Variants in ACYP2 observed in about 807,000 individuals in gnomAD.
The protein encoded by ACYP2 is acylphosphatase-2.
A neutral mutation model predicts 11.2 loss-of-function variants in ACYP2; 12 were observed. The observed-to-expected ratio is 1.08, with a 90% CI of 0.69 to 1.74. The LOEUF is 1.74. Among genes scored for constraint, ACYP2 ranks in the 40% most tolerant of loss-of-function variants. ACYP2 has a pLI of 0.00. For synonymous variants in ACYP2, 43 were observed against 32.2 expected (o/e 1.33, Z -1.13); for missense variants, 134 against 101.9 (o/e 1.31, Z -1.35).
At chr2:54,033,198 AT>A (rs11284749) in intron 2 of ACYP2, among the ~76,000 whole-genome samples, 66,796 of 141,358 alleles carry the variant, frequency 0.47, 15,402 homozygotes, top group African/African-American at 0.53. Context: ...CCTGTGGGCA[AT>A]TTTTTTTTTT....
At chr2:54,013,265 G>A (rs866074308) in intron 2 of ACYP2, among the ~76,000 whole-genome samples, 7,390 of 90,576 alleles carry the variant, frequency 0.082, 442 homozygotes, top group African/African-American at 0.14. Context: ...ATGTGTGTGT[G>A]TGTGTGTGTG....
intron 6 of ACYP2, among the ~76,000 whole-genome samples, chr2:54,160,225 G>A (rs1336627501): frequency 6.6e-6 from 1 of 152,180 alleles, no homozygotes; most frequent in Non-Finnish European, 1.5e-5. Flanking sequence ...TTCCCTCATG[G>A]TTATAAGATG....
intron 2 of ACYP2, among the ~76,000 whole-genome samples, chr2:54,028,084 C>T (rs114587257): frequency 0.026 from 3,885 of 152,102 alleles, 78 homozygotes; most frequent in Middle Eastern, 0.044. Context: ...CTCAGGTGAT[C>T]TGCGTACCTT....
chr2:54,268,589 C>T (rs1459040112), intron 6 of ACYP2, among the ~76,000 whole-genome samples: 1 of 151,168 alleles, frequency 6.6e-6, no homozygotes, highest in African/African-American at 2.4e-5. Context: ...ATCACTTGAG[C>T]CCAGGAGTTC....
At chr2:54,280,820 C>G (rs775758577) in intron 6 of ACYP2, among the ~76,000 whole-genome samples, 1 of 152,062 alleles carries the variant, frequency 6.6e-6, no homozygotes, top group Non-Finnish European at 1.5e-5. Flanking sequence ...TCTTAAGAAA[C>G]TTAATCGATA....
At chr2:54,029,546 A>G (rs1674474003) in intron 2 of ACYP2, 1 of 402,330 alleles carries the variant, frequency 2.5e-6, no homozygotes, top group African/African-American at 2.1e-5. Context: ...GTTCTCTCAC[A>G]TTGTCTTCTC....
intron 5 of ACYP2, among the ~76,000 whole-genome samples, chr2:54,137,151 G>T: frequency 6.6e-6 from 1 of 152,028 alleles, no homozygotes; most frequent in Non-Finnish European, 1.5e-5. Flanking sequence ...TCTACCCATA[G>T]ACAATTATAA....
At chr2:54,133,182 C>A (rs1572830686) in intron 4 of ACYP2, among the ~76,000 whole-genome samples, 1 of 152,240 alleles carries the variant, frequency 6.6e-6, no homozygotes, top group East Asian at 1.9e-4. Context: ...AACTGACAAT[C>A]AGTTTTCTGT....
At chr2:54,159,316 G>A (rs888889774) in intron 6 of ACYP2, among the ~76,000 whole-genome samples, 2 of 151,596 alleles carry the variant, frequency 1.3e-5, no homozygotes, top group Admixed American at 6.6e-5. Context: ...TGCAGAACTG[G>A]GCTTCAAAAA....
chr2:54,027,837 CTTTTTTT>C (rs34122179), intron 2 of ACYP2, among the ~76,000 whole-genome samples: 1 of 97,892 alleles, frequency 1.0e-5, no homozygotes, highest in Non-Finnish European at 1.9e-5. Flanking sequence ...TTCTTTCTTT[CTTTTTTT>C]TTTTTTTTTT....
intron 6 of ACYP2, among the ~76,000 whole-genome samples, chr2:54,237,152 A>G (rs1025301202): frequency 6.6e-6 from 1 of 152,226 alleles, no homozygotes; most frequent in African/African-American, 2.4e-5. Context: ...ATTCTGTCTT[A>G]TGTCAGGGAC....
intron 6 of ACYP2, among the ~76,000 whole-genome samples, chr2:54,248,457 A>G (rs529642098): frequency 1.3e-5 from 2 of 152,282 alleles, no homozygotes; most frequent in East Asian, 3.9e-4. Context: ...TGCCCTAGGG[A>G]TACATAGATG....
intron 4 of ACYP2, among the ~76,000 whole-genome samples, chr2:54,106,107 AT>A (rs1487661922): frequency 6.6e-6 from 1 of 152,234 alleles, no homozygotes; most frequent in East Asian, 1.9e-4. Flanking sequence ...ATGTAAGTTA[AT>A]GTACTATTCA....
intron 2 of ACYP2, among the ~76,000 whole-genome samples, chr2:54,005,028 C>T (rs998628264): frequency 2.0e-5 from 3 of 151,922 alleles, no homozygotes; most frequent in Non-Finnish European, 4.4e-5. Context: ...TGTCTTCTCA[C>T]TCTCTGTATA....
At chr2:54,056,438 T>C (rs1294988267) in intron 3 of ACYP2, among the ~76,000 whole-genome samples, 1 of 152,246 alleles carries the variant, frequency 6.6e-6, no homozygotes, top group Admixed American at 6.5e-5. Flanking sequence ...CTCACTGAGT[T>C]TAACAGAAGC....
At chr2:54,182,440 C>T (rs1386662012) in intron 6 of ACYP2, among the ~76,000 whole-genome samples, 9 of 152,154 alleles carry the variant, frequency 5.9e-5, no homozygotes, top group Non-Finnish European at 1.0e-4. Context: ...CTTCCAGGCT[C>T]AAGCACTTCT....
intron 2 of ACYP2, among the ~76,000 whole-genome samples, chr2:54,042,381 G>C (rs955456109): frequency 4.6e-5 from 7 of 152,176 alleles, no homozygotes; most frequent in African/African-American, 1.7e-4. Context: ...AGCTATAAAC[G>C]TTGCTCTTGG....
At chr2:53,974,925 A>G (rs866291650) in intron 2 of ACYP2, among the ~76,000 whole-genome samples, 2 of 152,208 alleles carry the variant, frequency 1.3e-5, no homozygotes, top group South Asian at 4.1e-4. Context: ...AGAGATGTCA[A>G]GACACTTACA....
At chr2:54,180,756 A>G (rs906552962) in intron 6 of ACYP2, among the ~76,000 whole-genome samples, 3 of 152,056 alleles carry the variant, frequency 2.0e-5, no homozygotes, top group Non-Finnish European at 2.9e-5. Flanking sequence ...GGATTTTGCC[A>G]TGTTGCCCAG....
Sources: allele counts gnomAD v4.1 joint callset (sites outside exome capture counted in the v4.1 genomes callset), GRCh38; gene constraint gnomAD v4.1.1; transcripts MANE v1.5; gene names NCBI Gene and HGNC (gene_info 2026-07-23, HGNC 2026-07-21).